Variants in NRXN3 observed in about 807,000 individuals in gnomAD.
NRXN3 encodes the protein neurexin 3, also known as neurexin III.
NRXN3 carries 32 observed loss-of-function variants against 137.6 expected under a neutral mutation model. That is an observed-to-expected ratio of 0.23 (90% CI 0.18 to 0.31). NRXN3 has a LOEUF of 0.31. Ranked by LOEUF, NRXN3 falls within the 10% of genes least tolerant of loss-of-function variation. The probability of loss-of-function intolerance (pLI) is 1.00; values close to 1 mark genes in which losing one functional copy is unlikely to be tolerated. For synonymous variants in NRXN3, 798 were observed against 784.5 expected (o/e 1.02, Z -0.29); for missense variants, 1,574 against 2,062.5 (o/e 0.76, Z 4.59).
intron 4 of NRXN3, among the ~76,000 whole-genome samples, chr14:78,447,183 T>G (rs1363949854): frequency 1.3e-5 from 2 of 152,230 alleles, no homozygotes; most frequent in South Asian, 2.1e-4. Flanking sequence ...TCTGTTGCAG[T>G]GTTCCCATTG....
intron 16 of NRXN3, among the ~76,000 whole-genome samples, chr14:79,581,067 T>A (rs2097711114): frequency 6.6e-6 from 1 of 152,142 alleles, no homozygotes; most frequent in African/African-American, 2.4e-5. Context: ...TTAGGGCACC[T>A]TTTCCAGGGA....
intron 15 of NRXN3, among the ~76,000 whole-genome samples, chr14:79,062,322 A>G (rs901980634): frequency 3.3e-5 from 5 of 152,098 alleles, no homozygotes; most frequent in Non-Finnish European, 7.4e-5. Flanking sequence ...ATTATGCTCA[A>G]TGGGTTCAAT....
intron 15 of NRXN3, among the ~76,000 whole-genome samples, chr14:79,111,549 G>T (rs772167290): frequency 6.6e-6 from 1 of 152,206 alleles, no homozygotes; most frequent in Admixed American, 6.5e-5. Flanking sequence ...GACCAGCCTG[G>T]TCAACATGGT....
intron 8 of NRXN3, among the ~76,000 whole-genome samples, chr14:78,740,382 CCT>C (rs1491420723): frequency 3.9e-5 from 2 of 51,684 alleles, no homozygotes; most frequent in Non-Finnish European, 1.4e-4. Context: ...TCCCTTGTCT[CCT>C]TTTTTTTTTC....
intron 16 of NRXN3, among the ~76,000 whole-genome samples, chr14:79,578,166 T>C (rs2097682427): frequency 6.6e-6 from 1 of 152,214 alleles, no homozygotes; most frequent in African/African-American, 2.4e-5. Flanking sequence ...GGACTCATCA[T>C]TGTGATTTAT....
intron 15 of NRXN3, among the ~76,000 whole-genome samples, chr14:79,387,145 T>G (rs1448517541): frequency 6.6e-6 from 1 of 152,132 alleles, no homozygotes; most frequent in East Asian, 1.9e-4. Context: ...CAAAAGAAAC[T>G]ACCATCAGAG....
chr14:79,081,339 G>C (rs1390035813), intron 15 of NRXN3, among the ~76,000 whole-genome samples: 1 of 152,156 alleles, frequency 6.6e-6, no homozygotes, highest in Non-Finnish European at 1.5e-5. Context: ...TGTCCAGCCA[G>C]GTGCGGTGGC....
intron 1 of NRXN3, among the ~76,000 whole-genome samples, chr14:78,186,119 A>G (rs1238873810): frequency 6.6e-6 from 1 of 152,224 alleles, no homozygotes; most frequent in Non-Finnish European, 1.5e-5. Flanking sequence ...CCATAGAGCC[A>G]ATTCTAGAAT....
intron 19 of NRXN3, among the ~76,000 whole-genome samples, chr14:79,734,521 A>G (rs1413860058): frequency 1.3e-5 from 2 of 152,226 alleles, no homozygotes; most frequent in Non-Finnish European, 2.9e-5. Context: ...TCTTCTCTAT[A>G]CAATAAAAAA....
chr14:79,856,267 C>G (rs184261681), intron 20 of NRXN3, among the ~76,000 whole-genome samples: 1 of 151,912 alleles, frequency 6.6e-6, no homozygotes, highest in Admixed American at 6.6e-5. Flanking sequence ...TATTTTTTCC[C>G]GAAGGTTGAT....
At chr14:78,925,705 T>A (rs183421173) in intron 10 of NRXN3, among the ~76,000 whole-genome samples, 1 of 152,172 alleles carries the variant, frequency 6.6e-6, no homozygotes, top group Non-Finnish European at 1.5e-5. Flanking sequence ...ACCAATGAGA[T>A]GATTCACAGC....
chr14:79,292,058 G>A (rs1729270271), intron 15 of NRXN3, among the ~76,000 whole-genome samples: 1 of 152,198 alleles, frequency 6.6e-6, no homozygotes, highest in African/African-American at 2.4e-5. Flanking sequence ...ACTCACTCTA[G>A]TTCTTCCACT....
intron 20 of NRXN3, among the ~76,000 whole-genome samples, chr14:79,831,305 G>A (rs954006817): frequency 1.3e-5 from 2 of 152,168 alleles, no homozygotes; most frequent in African/African-American, 2.4e-5. Context: ...AAGAGCTAGT[G>A]AGTGACAGAT....
At chr14:78,924,440 C>T (rs1378902582) in intron 10 of NRXN3, among the ~76,000 whole-genome samples, 1 of 152,156 alleles carries the variant, frequency 6.6e-6, no homozygotes. Flanking sequence ...TAAGCTCCCA[C>T]TGACATAAAA....
At chr14:78,820,212 A>G (rs1272197562) in intron 10 of NRXN3, among the ~76,000 whole-genome samples, 2 of 149,846 alleles carry the variant, frequency 1.3e-5, no homozygotes, top group Non-Finnish European at 3.0e-5. Context: ...CCTAATATAT[A>G]TAAATTATAT....
chr14:78,329,787 T>A (rs2153568527), intron 4 of NRXN3, among the ~76,000 whole-genome samples: 1 of 152,302 alleles, frequency 6.6e-6, no homozygotes, highest in South Asian at 2.1e-4. Context: ...TTCTCTCTGC[T>A]CTTTAAATGT....
chr14:78,387,177 C>T (rs1168415254), intron 4 of NRXN3, among the ~76,000 whole-genome samples: 1 of 152,112 alleles, frequency 6.6e-6, no homozygotes, highest in African/African-American at 2.4e-5. Context: ...AATAAAATGA[C>T]ATTTTATACT....
chr14:78,763,031 G>A (rs779873636), intron 8 of NRXN3, among the ~76,000 whole-genome samples: 6 of 152,284 alleles, frequency 3.9e-5, no homozygotes, highest in Non-Finnish European at 8.8e-5. Flanking sequence ...TGGCAATGGC[G>A]GGAGTGCTGG....
rs147673048 is a variant in NRXN3 at position 78,223,878 on chromosome 14, C to T, written c.-703-18513C>T. Among the ~76,000 whole-genome samples the T allele has an allele frequency of 5.3e-5, 8 of 152,288 alleles. No homozygotes were observed. In the East Asian group the frequency reaches 1.5e-3, roughly 29 times the overall value. On this transcript the variant is annotated intron_variant, in intron 1 of 20. Transcript: ENST00000335750. ...ATTCTCACTCTTTTGGATTATATAT[C>T]TGGATAGGATGTGGCTTCAGGTATT...
Sources: gnomAD v4.1 joint callset for allele counts (sites outside exome capture counted in the v4.1 genomes callset) on GRCh38, gnomAD v4.1.1 for gene constraint, MANE v1.5 for transcripts, NCBI Gene and HGNC (gene_info 2026-07-23, HGNC 2026-07-21) for gene names.